The following GPR158 variants were observed in gnomAD, a reference collection of about 807,000 sequenced individuals.
GPR158 encodes the protein metabotropic glycine receptor.
GPR158 carries 30 observed loss-of-function variants against 78.2 expected under a neutral mutation model. The ratio of observed to expected loss-of-function variants is 0.38; its 90% CI spans 0.29 to 0.52. The LOEUF is 0.52. GPR158 is among the 20% of genes least tolerant of loss of function. The pLI is 0.83. For synonymous variants in GPR158, 581 were observed against 591.1 expected (o/e 0.98, Z 0.25); for missense variants, 1,463 against 1,523.5 (o/e 0.96, Z 0.66).
chr10:25,536,857 G>A (rs893464098), intron 5 of GPR158, among the ~76,000 whole-genome samples: 1 of 152,096 alleles, frequency 6.6e-6, no homozygotes, highest in Admixed American at 6.6e-5. Flanking sequence ...GCATCCCGAG[G>A]GGCTTGTCAG....
rs750056136 is a variant in GPR158, at chr10:25,598,369, G to A, written c.2743G>A (p.Gly915Arg). ...VIASAKEKTL[G>R]LAGKTQTAGV... Reference sequence around the variant, plus strand: ...AGCAAGCGCCAAGGAGAAGACTCTTGGATTAGCTGGGAAAACCCAAACAGC... The same window carrying A: ...AGCAAGCGCCAAGGAGAAGACTCTTAGATTAGCTGGGAAAACCCAAACAGC... Residue 915 changes from glycine (G) to arginine (R), a missense_variant, in exon 11 of 11, where the codon GGA (glycine) becomes AGA (arginine). Physicochemically the swap from Gly to Arg is moderately radical, Grantham distance 125. Coordinates refer to ENST00000376351, the MANE Select transcript of GPR158 (RefSeq NM_020752.3). 3.7e-6 allele frequency: 6 copies of A among 1,613,950 alleles called. No individual in the cohort carries two copies. The highest frequency in any genetic ancestry group is 1.3e-5 in the African/African-American group (1 of 74,884).
At chr10:25,576,610 A>G (rs192864967) in intron 7 of GPR158, among the ~76,000 whole-genome samples, 2 of 152,344 alleles carry the variant, frequency 1.3e-5, no homozygotes, top group East Asian at 1.9e-4. Context: ...ATGAAGATTC[A>G]TAGCGTGAGA....
intron 1 of GPR158, among the ~76,000 whole-genome samples, chr10:25,190,488 A>G (rs1452549044): frequency 2.0e-5 from 3 of 152,066 alleles, no homozygotes; most frequent in Non-Finnish European, 4.4e-5. Flanking sequence ...GTGCACCACC[A>G]TGCCCGGCTA....
intron 8 of GPR158, among the ~76,000 whole-genome samples, chr10:25,591,404 C>G (rs1164840271): frequency 6.6e-6 from 1 of 152,122 alleles, no homozygotes; most frequent in Non-Finnish European, 1.5e-5. Flanking sequence ...TGAAAACAGC[C>G]TTACTACTTT....
At chr10:25,364,760 T>C (rs1855693850) in intron 2 of GPR158, among the ~76,000 whole-genome samples, 1 of 151,874 alleles carries the variant, frequency 6.6e-6, no homozygotes. Context: ...GGCCTTCCCA[T>C]TGACAGATAT....
At chr10:25,368,017 T>C (rs1833917863) in intron 2 of GPR158, among the ~76,000 whole-genome samples, 1 of 151,886 alleles carries the variant, frequency 6.6e-6, no homozygotes, top group Non-Finnish European at 1.5e-5. Flanking sequence ...AGAATTAATA[T>C]TTTTGAGAAT....
chr10:25,484,394 A>G (rs77642989), intron 5 of GPR158, among the ~76,000 whole-genome samples: 1 of 152,230 alleles, frequency 6.6e-6, no homozygotes, highest in African/African-American at 2.4e-5. Context: ...TAACATTAAA[A>G]TGAGAATAAA....
At chr10:25,291,186 TA>T (rs1384510248) in intron 2 of GPR158, among the ~76,000 whole-genome samples, 1 of 151,780 alleles carries the variant, frequency 6.6e-6, no homozygotes, top group East Asian at 1.9e-4. Flanking sequence ...AAAGTAACAT[TA>T]ATTAAAACCA....
chr10:25,348,895 C>A (rs930302572), intron 2 of GPR158, among the ~76,000 whole-genome samples: 2 of 151,994 alleles, frequency 1.3e-5, no homozygotes, highest in Non-Finnish European at 2.9e-5. Flanking sequence ...GTGTTCAGTT[C>A]TACTTTGGAG....
At chr10:25,488,637 T>C (rs1218381109) in intron 5 of GPR158, among the ~76,000 whole-genome samples, 2 of 152,138 alleles carry the variant, frequency 1.3e-5, no homozygotes, top group Admixed American at 1.3e-4. Flanking sequence ...CTATCAGTTA[T>C]TAATTATAAT....
intron 5 of GPR158, among the ~76,000 whole-genome samples, chr10:25,550,418 G>A (rs978571389): frequency 1.3e-5 from 2 of 152,118 alleles, no homozygotes; most frequent in Admixed American, 6.6e-5. Context: ...GCAGTATACG[G>A]CAATCTCAGG....
intron 2 of GPR158, among the ~76,000 whole-genome samples, chr10:25,243,081 C>G (rs773041922): frequency 3.7e-4 from 57 of 152,362 alleles, no homozygotes; most frequent in Middle Eastern, 3.4e-3. Context: ...CAAGTGCAAT[C>G]TTGCCACCAC....
intron 2 of GPR158, among the ~76,000 whole-genome samples, chr10:25,337,476 G>A (rs1379958126): frequency 6.6e-6 from 1 of 152,010 alleles, no homozygotes; most frequent in African/African-American, 2.4e-5. Flanking sequence ...ATCTTGCGTA[G>A]CAATAGTAGT....
chr10:25,442,459 C>A (rs1013437628), intron 4 of GPR158, among the ~76,000 whole-genome samples: 1 of 152,132 alleles, frequency 6.6e-6, no homozygotes, highest in African/African-American at 2.4e-5. Flanking sequence ...CCAGAACCCT[C>A]TCTTCTCCCA....
chr10:25,230,629 A>T (rs1336822553), intron 2 of GPR158, among the ~76,000 whole-genome samples: 2 of 152,162 alleles, frequency 1.3e-5, no homozygotes, highest in Admixed American at 1.3e-4. Context: ...TATTATATGG[A>T]TATTTTTACT....
intron 2 of GPR158, among the ~76,000 whole-genome samples, chr10:25,249,758 T>C (rs989313261): frequency 5.9e-5 from 9 of 152,156 alleles, no homozygotes; most frequent in Non-Finnish European, 1.3e-4. Flanking sequence ...ATCAAGGATA[T>C]TGGCCTAAAA....
At chr10:25,386,360 A>C (rs1339626580) in intron 2 of GPR158, among the ~76,000 whole-genome samples, 1 of 152,154 alleles carries the variant, frequency 6.6e-6, no homozygotes. Context: ...GTGTTTTGAA[A>C]TCAGAAAGTG....
Position 25,598,614 on chromosome 10 carries a change from G to C in GPR158, c.2988G>C (p.Gln996His). ...ANSDLNPGTTQMKDNFDIGEV... is the reference protein window; with the variant it reads ...ANSDLNPGTTHMKDNFDIGEV... ...CTGACCTGAACCCAGGCACCACCCA[G>C]ATGAAGGACAACTTTGACATTGGGG... The change falls in exon 11 of 11, where the codon CAG (glutamine) becomes CAC (histidine). Residue 996 changes from glutamine to histidine, a missense_variant. Coordinates refer to ENST00000376351, the MANE Select transcript of GPR158 (RefSeq NM_020752.3). 1 of 1,614,088 alleles carries C rather than the reference G, an allele frequency of 6.2e-7. No individual in the cohort carries two copies. The highest frequency in any genetic ancestry group is 8.5e-7 in the Non-Finnish European group (1 of 1,180,008).
At chr10:25,313,892 TTAGG>T (rs1258869254) in intron 2 of GPR158, among the ~76,000 whole-genome samples, 3 of 152,174 alleles carry the variant, frequency 2.0e-5, no homozygotes, top group African/African-American at 7.2e-5. Flanking sequence ...CTGGAATAAT[TTAGG>T]TAGCATTGGG....
Sources: allele counts gnomAD v4.1 joint callset (sites outside exome capture counted in the v4.1 genomes callset), GRCh38; gene constraint gnomAD v4.1.1; transcripts MANE v1.5; gene names NCBI Gene and HGNC (gene_info 2026-07-23, HGNC 2026-07-21).